The following STAC2 variants were observed in gnomAD, a reference collection of about 807,000 sequenced individuals.
STAC2 encodes the protein SH3 and cysteine rich domain 2, also known as SH3 and cysteine-rich domain-containing protein 2.
A neutral mutation model predicts 49.0 loss-of-function variants in STAC2; 36 were observed. The observed-to-expected ratio is 0.74, with a 90% confidence interval of 0.56 to 0.97. The LOEUF is 0.97. Among genes scored for constraint, STAC2 ranks in the 50% least tolerant of loss-of-function variants. The pLI, the probability that STAC2 is intolerant of heterozygous loss-of-function variation, is 0.00. For synonymous variants in STAC2, 239 were observed against 214.7 expected (o/e 1.11, Z -0.99); for missense variants, 527 against 543.8 (o/e 0.97, Z 0.31).
At chr17:39,214,174 G>T in intron 8 of STAC2, 59 bp downstream of exon 8, 1 of 1,589,680 alleles carries the variant, frequency 6.3e-7, no homozygotes, top group Non-Finnish European at 8.6e-7. Context: ...CTCACACTGT[G>T]TTTCAAGGTC....
Position 39,213,014 on chromosome 17 carries a change from A to C in STAC2, c.1112T>G (p.Met371Arg). The change falls in exon 10 of 11, where the codon ATG (methionine) becomes AGG (arginine). Residue 371 changes from methionine to arginine, a missense_variant. Transcript: ENST00000333461. ...PFSGNKEQGY[M>R]SLKENQICVG... ...ACTCACCTGGTTCTCCTTGAGGCTC[A>C]TGTAACCCTGTTCCTTGTTCCCGGA... 6.2e-7 allele frequency: 1 copy of C among 1,614,008 alleles called. No homozygotes were observed. The highest frequency in any genetic ancestry group is 8.5e-7 in the Non-Finnish European group (1 of 1,180,036).
intron 2 of STAC2, 42 bp downstream of exon 2, chr17:39,217,825 G>A (rs375955630): frequency 2.8e-5 from 44 of 1,560,888 alleles, no homozygotes; most frequent in African/African-American, 2.3e-4. Flanking sequence ...CAGTACCCAC[G>A]CTGGCCCCTC....
At position 39,225,723 on chromosome 17, in the gene STAC2, G is replaced by A. The variant is rs2046507941; in HGVS notation, c.-221C>T. On this transcript the variant is annotated 5_prime_UTR_variant, in exon 1 of 11. Transcript: ENST00000333461. This position sits in a 1 kb window ranked among gnomAD's most constrained non-coding sequence, Gnocchi z 8.2. ...CCACGCTGAGCCGCAGGAGCGGGAC[G>A]ACCCCGGGCGCGAGGACCGAGGGTC... is the stretch of plus-strand genomic sequence containing the variant. 3.5e-6 allele frequency: 2 copies of A among 578,404 alleles called. No individual in the cohort carries two copies. Among genetic ancestry groups the A allele is most frequent in the South Asian group, 2.0e-5 (1 of 50,266 alleles). The allele number at this position is 578,404 out of a possible 1,614,324, so 35.8% of individuals were successfully genotyped here.
chr17:39,210,793 G>A lies in STAC2; in HGVS notation c.*1499C>T, dbSNP rs1303702603. ...GTGTAACTGTGCCCAGGATGGGGGT[G>A]GCATGGGCTGGCACAATCAAGGGCA... On this transcript the variant is annotated 3_prime_UTR_variant, in exon 11 of 11. Coordinates refer to ENST00000333461, the MANE Select transcript of STAC2 (RefSeq NM_198993.5). 1 of 152,302 alleles carries A rather than the reference G, an allele frequency of 6.6e-6. No individual in the cohort carries two copies. Among genetic ancestry groups the A allele is most frequent in the Non-Finnish European group, 1.5e-5 (1 of 68,112 alleles). 9.4% of individuals were successfully genotyped at this position (152,302 alleles called of 1,614,324 possible). A position where few individuals can be genotyped will look rare whatever the true frequency, so the allele number is the denominator to read the frequency against.
At chr17:39,219,109 C>G (rs35290672) in intron 1 of STAC2, among the ~76,000 whole-genome samples, 12,336 of 152,128 alleles carry the variant, frequency 0.081, 600 homozygotes, top group African/African-American at 0.13. Context: ...GGGGGTGATG[C>G]CTGATCCTGC....
rs1444781165 is a variant in STAC2 at position 39,217,289 on chromosome 17, C to T, written c.398-116G>A. On this transcript the variant is annotated intron_variant, in intron 2 of 10. Coordinates refer to ENST00000333461, the MANE Select transcript of STAC2 (RefSeq NM_198993.5). ...GGGCATTCTCATGCCAGCCTTGAGG[C>T]CCAGCACCTACCCCTCACACAGTCA... 3 of 937,220 alleles carry T rather than the reference C, an allele frequency of 3.2e-6. No individual in the cohort carries two copies. In the African/African-American group the frequency reaches 4.9e-5, roughly 15 times the overall value. 58.1% of individuals were successfully genotyped at this position (937,220 alleles called of 1,614,324 possible).
rs777484857 is a variant in STAC2, at chr17:39,214,878, G to A, written c.773-17C>T. On this transcript the variant is annotated splice_polypyrimidine_tract_variant and intron_variant, in intron 6 of 10. Coordinates refer to ENST00000333461, the MANE Select transcript of STAC2 (RefSeq NM_198993.5). ...CTGGAGATGCTAGGGGCAGGAGAGG[G>A]AAAGGGTGAGAGGCAGCAGGGAGCA... 6.2e-7 allele frequency: 1 copy of A among 1,614,028 alleles called. No individual in the cohort carries two copies. Among genetic ancestry groups the A allele is most frequent in the Non-Finnish European group, 8.5e-7 (1 of 1,179,956 alleles).
intron 3 of STAC2, 24 bp from the exon 4 acceptor site, chr17:39,216,924 GT>G: frequency 6.3e-7 from 1 of 1,588,324 alleles, no homozygotes. Context: ...GGGCAGAGAG[GT>G]TTTGAGGAGG....
At position 39,225,560 on chromosome 17, in the gene STAC2, A is replaced by G; in HGVS notation, c.-58T>C. 2 of 1,544,920 alleles carry G rather than the reference A, an allele frequency of 1.3e-6. No individual in the cohort carries two copies. Among genetic ancestry groups the G allele is most frequent in the Non-Finnish European group, 1.8e-6 (2 of 1,126,568 alleles). ...ATCCGACGGCAGGCCCACCGCGGGC[A>G]GGCTGCGGGTGGCGGGCGTCTCCGG... On this transcript the variant is annotated 5_prime_UTR_variant, in exon 1 of 11. Transcript: ENST00000333461. This position sits in a 1 kb window ranked among gnomAD's most constrained non-coding sequence, Gnocchi z 8.2.
intron 10 of STAC2, 67 bp downstream of exon 10, chr17:39,212,928 G>T: frequency 1.3e-6 from 2 of 1,587,444 alleles, no homozygotes; most frequent in East Asian, 2.3e-5. Context: ...CCCCCGCACC[G>T]CAGCCTGTCT....
intron 1 of STAC2, among the ~76,000 whole-genome samples, chr17:39,220,749 G>A (rs1163617950): frequency 1.3e-5 from 2 of 151,812 alleles, no homozygotes; most frequent in Non-Finnish European, 2.9e-5. Flanking sequence ...TGGGATTACA[G>A]GCGTGAGCCA....
chr17:39,221,566 C>T (rs2046462996), intron 1 of STAC2, among the ~76,000 whole-genome samples: 1 of 152,158 alleles, frequency 6.6e-6, no homozygotes, highest in African/African-American at 2.4e-5. Flanking sequence ...AATTACTGTC[C>T]CACTTTTCAG....
chr17:39,218,076 G>A lies in STAC2; in HGVS notation c.188C>T (p.Pro63Leu), dbSNP rs1240054764. 6 of 1,612,392 alleles carry A rather than the reference G, an allele frequency of 3.7e-6. No individual in the cohort carries two copies. Among genetic ancestry groups the A allele is most frequent in the Non-Finnish European group, 5.1e-6 (6 of 1,179,942 alleles). Residue 63 changes from proline to leucine, a missense_variant, in exon 2 of 11, where the codon CCC (proline) becomes CTC (leucine). Coordinates refer to ENST00000333461, the MANE Select transcript of STAC2 (RefSeq NM_198993.5). The stretch of plus-strand genomic sequence containing the variant: ...TGGGGGCGTCAGCAGCACCTCGGTG[G>A]GGCACTTGAGCTCAGAGCCCGAGCG... ...FLRSGSELKC[P>L]TEVLLTPPTP...
Position 39,225,584 on chromosome 17 carries a change from G to A in STAC2, c.-82C>T. Reference sequence around the variant, plus strand: ...CAGGCTGCGGGTGGCGGGCGTCTCCGGGACTCTGAAGCCGTTCTCCAGAGG... The same window carrying A: ...CAGGCTGCGGGTGGCGGGCGTCTCCAGGACTCTGAAGCCGTTCTCCAGAGG... On this transcript the variant is annotated 5_prime_UTR_variant, in exon 1 of 11. Transcript: ENST00000333461. This position sits in a 1 kb window ranked among gnomAD's most constrained non-coding sequence, Gnocchi z 8.2. The A allele has an allele frequency of 7.4e-7, 1 of 1,357,660 alleles. No individual in the cohort carries two copies. Among genetic ancestry groups the A allele is most frequent in the Non-Finnish European group, 1.0e-6 (1 of 968,252 alleles). 84.1% of individuals were successfully genotyped at this position (1,357,660 alleles called of 1,614,324 possible). A position where few individuals can be genotyped will look rare whatever the true frequency, so the allele number is the denominator to read the frequency against.
chr17:39,223,576 G>C (rs1347151140), intron 1 of STAC2, among the ~76,000 whole-genome samples: 1 of 152,192 alleles, frequency 6.6e-6, no homozygotes, highest in African/African-American at 2.4e-5. Context: ...CAGACCTGTG[G>C]CCCTTGACCT....
chr17:39,219,781 G>A (rs1050135079), intron 1 of STAC2, among the ~76,000 whole-genome samples: 2 of 152,214 alleles, frequency 1.3e-5, no homozygotes, highest in South Asian at 2.1e-4. Flanking sequence ...AGCCTTGGCC[G>A]TCTCCCTTCC....
At chr17:39,224,301 A>T (rs1389324174) in intron 1 of STAC2, among the ~76,000 whole-genome samples, 1 of 152,180 alleles carries the variant, frequency 6.6e-6, no homozygotes, top group African/African-American at 2.4e-5. Flanking sequence ...CAGGAGCAGG[A>T]TGGGAACAAA....
In STAC2 at chr17:39,218,167, G is replaced by C; in HGVS notation, c.97C>G (p.Arg33Gly). ...VSALQETKLQ[R>G]FKRSLSLKTI... ...TTGAGGGAGAGGGAGCGCTTGAATC[G>C]CTGGAGCTGGGAGAAAAAGAGGGAG... is the stretch of plus-strand genomic sequence containing the variant. Residue 33 changes from arginine (R) to glycine (G), a missense_variant, in exon 2 of 11, where the codon CGA (arginine) becomes GGA (glycine). Arg to Gly is a moderately radical substitution (Grantham distance 125). Transcript: ENST00000333461. 2.5e-6 allele frequency: 4 copies of C among 1,613,368 alleles called. No individual in the cohort carries two copies. The highest frequency in any genetic ancestry group is 3.4e-6 in the Non-Finnish European group (4 of 1,180,018).
At chr17:39,214,726 T>C (rs2046385310) in intron 7 of STAC2, 65 bp downstream of exon 7, 1 of 1,564,722 alleles carries the variant, frequency 6.4e-7, no homozygotes, top group South Asian at 1.2e-5. Flanking sequence ...TATGAATCAA[T>C]GGCAAGGAGA....
Sources: allele counts gnomAD v4.1 joint callset (sites outside exome capture counted in the v4.1 genomes callset), GRCh38; gene constraint gnomAD v4.1.1; non-coding constraint Gnocchi (gnomAD v3.1); transcripts MANE v1.5; gene names NCBI Gene and HGNC (gene_info 2026-07-23, HGNC 2026-07-21).